SLC8A1: variants seen among roughly 807,000 people sequenced by gnomAD.
The protein encoded by SLC8A1 is solute carrier family 8 member A1, also known as sodium/calcium exchanger 1.
A neutral mutation model predicts 68.3 loss-of-function variants in SLC8A1; 18 were observed. The ratio of observed to expected loss-of-function variants is 0.26; its 90% CI spans 0.18 to 0.39. The LOEUF (loss-of-function observed/expected upper bound fraction) is 0.39. SLC8A1 is among the 10% of genes least tolerant of loss of function. The probability of loss-of-function intolerance (pLI) is 1.00; values close to 1 mark genes in which losing one functional copy is unlikely to be tolerated. For missense variants in SLC8A1, 985 were observed against 1,156.7 expected (o/e 0.85, Z 2.15); for synonymous variants, 475 against 415.5 (o/e 1.14, Z -1.74).
chr2:40,379,984 T>G (rs1244872285), intron 2 of SLC8A1, among the ~76,000 whole-genome samples: 1 of 152,086 alleles, frequency 6.6e-6, no homozygotes, highest in Admixed American at 6.6e-5. Flanking sequence ...ATAAAATACT[T>G]TAAGTCTTAT....
At chr2:40,213,933 A>AAG (rs2057036119) in intron 2 of SLC8A1, among the ~76,000 whole-genome samples, 1 of 152,182 alleles carries the variant, frequency 6.6e-6, no homozygotes, top group Non-Finnish European at 1.5e-5. Context: ...GAAAAACAGT[A>AAG]ACCACACCAC....
At chr2:40,238,249 T>G (rs2060697529) in intron 2 of SLC8A1, among the ~76,000 whole-genome samples, 1 of 152,178 alleles carries the variant, frequency 6.6e-6, no homozygotes. Flanking sequence ...GTGCTAGCAA[T>G]CAGTGAGACT....
At chr2:40,131,773 C>G (rs2039381828) in intron 7 of SLC8A1, among the ~76,000 whole-genome samples, 2 of 151,224 alleles carry the variant, frequency 1.3e-5, no homozygotes, top group South Asian at 4.2e-4. Context: ...TGTGTTTGGT[C>G]TAGCTCGGGA....
chr2:40,159,734 C>A (rs2045319750), intron 6 of SLC8A1, among the ~76,000 whole-genome samples: 1 of 152,114 alleles, frequency 6.6e-6, no homozygotes. Flanking sequence ...CATAAATTCC[C>A]ACTATATATT....
At chr2:40,139,166 G>A (rs568849523) in intron 7 of SLC8A1, among the ~76,000 whole-genome samples, 1 of 152,282 alleles carries the variant, frequency 6.6e-6, no homozygotes, top group South Asian at 2.1e-4. Context: ...AGGCCGTGGA[G>A]ACCCTCTGGG....
At position 40,295,535 on chromosome 2, in the gene SLC8A1, A is replaced by T. The variant is rs752424725; in HGVS notation, c.1809-117680T>A. Among the ~76,000 whole-genome samples, 39 of 152,252 alleles carry T rather than the reference A, an allele frequency of 2.6e-4. No homozygotes were observed. In the Middle Eastern group the frequency reaches 0.01, roughly 40 times the overall value. On this transcript the variant is annotated intron_variant, in intron 2 of 7. Transcript: ENST00000406785. The stretch of plus-strand genomic sequence containing the variant: ...ATAAACATTAGTAAAGAAGTGGGAA[A>T]TTTTTTTGTCCTGAAATTCATTTTA...
intron 1 of SLC8A1, among the ~76,000 whole-genome samples, chr2:40,443,421 C>T (rs1700876393): frequency 6.6e-6 from 1 of 152,136 alleles, no homozygotes; most frequent in Admixed American, 6.6e-5. Context: ...AGACATTCTG[C>T]AGGAAACCAG....
At chr2:40,165,089 T>A (rs1352335059) in intron 4 of SLC8A1, 105 bp from the exon 8 acceptor site, 1 of 1,419,502 alleles carries the variant, frequency 7.0e-7, no homozygotes, top group East Asian at 2.3e-5. Context: ...CCTAATGACC[T>A]ACTAAAGCCC....
chr2:40,240,883 A>G (rs2061129789), intron 2 of SLC8A1, among the ~76,000 whole-genome samples: 1 of 152,222 alleles, frequency 6.6e-6, no homozygotes, highest in South Asian at 2.1e-4. Flanking sequence ...CGACTCAAAA[A>G]AAAGTGACCC....
intron 1 of SLC8A1, among the ~76,000 whole-genome samples, chr2:40,496,951 C>A (rs1189839504): frequency 6.8e-6 from 1 of 147,986 alleles, no homozygotes. Context: ...GGAGGGATAG[C>A]ATTGGGAGAT....
chr2:40,410,674 C>T (rs998518374), intron 2 of SLC8A1, among the ~76,000 whole-genome samples: 1 of 152,022 alleles, frequency 6.6e-6, no homozygotes, highest in African/African-American at 2.4e-5. Context: ...GTATGCATTA[C>T]TTCACAGTTA....
chr2:40,128,746 A>G (rs1477845175), intron 7 of SLC8A1, among the ~76,000 whole-genome samples: 1 of 152,246 alleles, frequency 6.6e-6, no homozygotes, highest in Non-Finnish European at 1.5e-5. Context: ...AAATCCATAT[A>G]TACACAAAAC....
chr2:40,427,753 A>T (rs576234350), intron 2 of SLC8A1, among the ~76,000 whole-genome samples: 2 of 152,138 alleles, frequency 1.3e-5, no homozygotes, highest in Non-Finnish European at 2.9e-5. Context: ...ACAACTAGAC[A>T]CGTGGACAGA....
rs879055096 is a variant in SLC8A1, at chr2:40,429,896, T to C, written c.385A>G (p.Ile129Val). Reference sequence around the variant, plus strand: ...AGGTTAGAAACTGTTTCATTCCAGATCCTCACAGTTGTCTTGGTGGTCTCT... The same window carrying C: ...AGGTTAGAAACTGTTTCATTCCAGACCCTCACAGTTGTCTTGGTGGTCTCT... The change falls in exon 2 of 8, where the codon ATC (isoleucine) becomes GTC (valine). Residue 129 changes from isoleucine to valine, a missense_variant. Coordinates refer to ENST00000406785, the Ensembl canonical transcript of SLC8A1. 4 of 1,613,492 alleles carry C rather than the reference T, an allele frequency of 2.5e-6. No individual in the cohort carries two copies. The highest frequency in any genetic ancestry group is 2.5e-6 in the Non-Finnish European group (3 of 1,179,866).
intron 2 of SLC8A1, among the ~76,000 whole-genome samples, chr2:40,235,102 T>C (rs1259376729): frequency 1.3e-5 from 2 of 152,178 alleles, no homozygotes; most frequent in African/African-American, 4.8e-5. Flanking sequence ...ATCAGAATGA[T>C]GCTGGCTTCA....
intron 2 of SLC8A1, among the ~76,000 whole-genome samples, chr2:40,396,770 A>AAAAAAAAAAAAAAAC (rs1687084576): frequency 8.2e-6 from 1 of 121,784 alleles, no homozygotes; most frequent in African/African-American, 2.7e-5. Flanking sequence ...AAAAAAAAAA[A>AAAAAAAAAAAAAAAC]AAAAAAACAA....
chr2:40,341,095 C>T (rs888599481), intron 2 of SLC8A1, among the ~76,000 whole-genome samples: 1 of 152,100 alleles, frequency 6.6e-6, no homozygotes, highest in Non-Finnish European at 1.5e-5. Flanking sequence ...TGTTTCCCAA[C>T]CAGAAAGTAA....
chr2:40,451,001 A>G (rs370105664), intron 1 of SLC8A1, among the ~76,000 whole-genome samples: 1 of 151,826 alleles, frequency 6.6e-6, no homozygotes, highest in South Asian at 2.1e-4. Context: ...GGGGTGATGC[A>G]GGGGGTGGAT....
chr2:40,432,665 C>A (rs939649419), intron 1 of SLC8A1, among the ~76,000 whole-genome samples: 2 of 151,760 alleles, frequency 1.3e-5, no homozygotes, highest in Admixed American at 1.3e-4. Context: ...GGGCAGGGCT[C>A]AGGAGTGGGA....
Sources: gnomAD v4.1 joint callset for allele counts (sites outside exome capture counted in the v4.1 genomes callset) on GRCh38, gnomAD v4.1.1 for gene constraint, MANE v1.5 for transcripts, NCBI Gene and HGNC (gene_info 2026-07-23, HGNC 2026-07-21) for gene names.